The following PRDM11 variants were observed in gnomAD, a reference collection of about 807,000 sequenced individuals.
PRDM11 encodes the protein PR/SET domain 11, also known as PR domain-containing protein 11.
A neutral mutation model predicts 97.8 loss-of-function variants in PRDM11; 20 were observed. That is an observed-to-expected ratio of 0.20 (90% CI 0.14 to 0.30). The LOEUF (loss-of-function observed/expected upper bound fraction) is 0.30, where lower values mean the gene tolerates loss of function less well. PRDM11 is among the 10% of genes least tolerant of loss of function. PRDM11 has a pLI of 1.00. For synonymous variants in PRDM11, 599 were observed against 637.7 expected (o/e 0.94, Z 0.91); for missense variants, 1,139 against 1,555.2 (o/e 0.73, Z 4.50).
rs572837571 is a variant in PRDM11 at position 45,097,095 on chromosome 11, C to G, written c.96+1194C>G. 6.4e-4 allele frequency among the ~76,000 whole-genome samples: 98 copies of G among 152,304 alleles called. 1 individual carries two copies. The highest frequency in any genetic ancestry group is 2.3e-3 in the African/African-American group (97 of 41,566). The stretch of plus-strand genomic sequence containing the variant: ...TTTAAGGTTCAAATCAAGGATATTT[C>G]CTGCAGCTAAATAGAAAGCACCTTT... On this transcript the variant is annotated intron_variant, in intron 1 of 6. Coordinates refer to the PRDM11 transcript ENST00000530656.
At chr11:45,197,797 C>T (rs917630243) in intron 4 of PRDM11, among the ~76,000 whole-genome samples, 1 of 152,058 alleles carries the variant, frequency 6.6e-6, no homozygotes, top group African/African-American at 2.4e-5. Flanking sequence ...TGCATGTTCT[C>T]ACTCATAGGT....
Position 45,228,116 on chromosome 11 carries a change from T to A in PRDM11, c.3491T>A (p.Leu1164Gln). The change falls in exon 8 of 8, where the codon CTA becomes CAA. Residue 1164 changes from leucine to glutamine, a missense_variant. This residue lies in a region of PRDM11 where 710 missense variants were observed against 1,044.9 expected (regional missense o/e 0.68). Coordinates refer to ENST00000683152, the MANE Select transcript of PRDM11 (RefSeq NM_001384648.1). ...RMSALEQKPA[L>Q]QTMDHGTEFY... ...TCTGCGCTGGAGCAGAAGCCAGCACTACAGACCATGGACCACGGGACGGAG... is the reference window on the plus strand; with the variant it reads ...TCTGCGCTGGAGCAGAAGCCAGCACAACAGACCATGGACCACGGGACGGAG... The A allele has an allele frequency of 1.3e-6, 2 of 1,533,176 alleles. No homozygotes were observed. The highest frequency in any genetic ancestry group is 2.4e-5 in the East Asian group (1 of 40,886). The allele number at this position is 1,533,176 out of a possible 1,614,324, so 95.0% of individuals were successfully genotyped here.
rs1054205029 is a variant in PRDM11, at chr11:45,232,983, A to G, written c.*4824A>G. On this transcript the variant is annotated 3_prime_UTR_variant, in exon 8 of 8. Transcript: ENST00000683152. The stretch of plus-strand genomic sequence containing the variant: ...ATCCAGTCTCCCTAGGAGAGAGTGC[A>G]TGGAAGCAGGGGTATGTGCAGTGTA... 1 of 149,068 alleles carries G rather than the reference A, an allele frequency of 6.7e-6. No homozygotes were observed. The highest frequency in any genetic ancestry group is 2.5e-5 in the African/African-American group (1 of 40,724). 9.2% of individuals were successfully genotyped at this position (149,068 alleles called of 1,614,324 possible). A position where few individuals can be genotyped will look rare whatever the true frequency, so the allele number is the denominator to read the frequency against.
At chr11:45,121,281 A>G (rs990920965) in intron 1 of PRDM11, among the ~76,000 whole-genome samples, 1 of 152,186 alleles carries the variant, frequency 6.6e-6, no homozygotes, top group Non-Finnish European at 1.5e-5. Context: ...AGATACACAC[A>G]ATATAGGAGG....
chr11:45,109,559 G>A (rs758569278), intron 1 of PRDM11, among the ~76,000 whole-genome samples: 2 of 152,150 alleles, frequency 1.3e-5, no homozygotes. Flanking sequence ...ATATTCAGAG[G>A]CTATCCTGCG....
In PRDM11 at chr11:45,182,206, T is replaced by C. The variant is rs369593258; in HGVS notation, c.120-40T>C. On this transcript the variant is annotated intron_variant, in intron 2 of 7. Coordinates refer to ENST00000683152, the MANE Select transcript of PRDM11 (RefSeq NM_001384648.1). Reference sequence around the variant, plus strand: ...TCCCCACTGGGCTCTCACTCTCTGATGACTTCTTTGCTTTCTTTGCGGGCC... The same window carrying C: ...TCCCCACTGGGCTCTCACTCTCTGACGACTTCTTTGCTTTCTTTGCGGGCC... 2.5e-6 allele frequency: 4 copies of C among 1,579,258 alleles called. No individual in the cohort carries two copies. In the African/African-American group the frequency reaches 4.1e-5, roughly 16 times the overall value.
At position 45,228,264 on chromosome 11, in the gene PRDM11, A is replaced by ATT; in HGVS notation, c.*106_*107dup. 2 of 163,354 alleles carry ATT rather than the reference A, an allele frequency of 1.2e-5. No individual in the cohort carries two copies. Among genetic ancestry groups the ATT allele is most frequent in the East Asian group, 1.3e-4 (1 of 7,512 alleles). 10.1% of individuals were successfully genotyped at this position (163,354 alleles called of 1,614,324 possible). Reference sequence around the variant, plus strand: ...TATATATTATATTATATTATATTATATTATATATATATATATATATAAACT... The same window carrying ATT: ...TATATATTATATTATATTATATTATATTTTATATATATATATATATATAAACT... On this transcript the variant is annotated 3_prime_UTR_variant, in exon 8 of 8. Coordinates refer to ENST00000683152, the MANE Select transcript of PRDM11 (RefSeq NM_001384648.1).
At chr11:45,194,661 G>T (rs12271551) in intron 4 of PRDM11, among the ~76,000 whole-genome samples, 4 of 141,702 alleles carry the variant, frequency 2.8e-5, no homozygotes, top group African/African-American at 1.1e-4. Context: ...TGCAGTGGCG[G>T]GATCTCGGCT....
At chr11:45,197,946 A>G (rs1347733063) in intron 4 of PRDM11, among the ~76,000 whole-genome samples, 2 of 152,314 alleles carry the variant, frequency 1.3e-5, no homozygotes, top group East Asian at 1.9e-4. Context: ...GGTGCAGCAC[A>G]CCAACATGGC....
Position 45,227,733 on chromosome 11 carries a change from T to G in PRDM11, c.3108T>G (p.Ser1036Arg). 1 of 1,533,860 alleles carries G rather than the reference T, an allele frequency of 6.5e-7. No individual in the cohort carries two copies. The highest frequency in any genetic ancestry group is 8.7e-7 in the Non-Finnish European group (1 of 1,146,702). Residue 1036 changes from serine to arginine, a missense_variant, in exon 8 of 8, where the codon AGT (serine) becomes AGG (arginine). This residue lies in a region of PRDM11 where 710 missense variants were observed against 1,044.9 expected (regional missense o/e 0.68). Coordinates refer to ENST00000683152, the MANE Select transcript of PRDM11 (RefSeq NM_001384648.1). The surrounding 1 kb of genome is among the most constrained non-coding windows in gnomAD (Gnocchi z 8.0). Reference protein sequence around the residue: ...VCREGLDPRGSLLMEWRELKA... With the variant: ...VCREGLDPRGRLLMEWRELKA... ...GGGAAGGGCTGGACCCCCGGGGTAG[T>G]CTGTTGATGGAGTGGCGAGAACTCA... is the stretch of plus-strand genomic sequence containing the variant.
chr11:45,160,202 C>A (rs57091740), intron 1 of PRDM11, among the ~76,000 whole-genome samples: 1,593 of 152,332 alleles, frequency 0.01, 33 homozygotes, highest in African/African-American at 0.037. Context: ...ATTCCCTCCA[C>A]CCCAAGAGAG....
At chr11:45,218,464 T>G (rs1854019436) in intron 5 of PRDM11, among the ~76,000 whole-genome samples, 1 of 152,270 alleles carries the variant, frequency 6.6e-6, no homozygotes, top group South Asian at 2.1e-4. Flanking sequence ...AATTCTTCTG[T>G]GAATTTTTGT....
At chr11:45,153,929 C>T (rs1851725461) in intron 1 of PRDM11, among the ~76,000 whole-genome samples, 1 of 152,168 alleles carries the variant, frequency 6.6e-6, no homozygotes, top group Non-Finnish European at 1.5e-5. Flanking sequence ...GGTTACATGA[C>T]CAACTGAAGA....
intron 1 of PRDM11, among the ~76,000 whole-genome samples, chr11:45,149,967 A>G (rs1207654172): frequency 6.6e-6 from 1 of 152,236 alleles, no homozygotes; most frequent in African/African-American, 2.4e-5. Context: ...CTTGGAAAGC[A>G]GCTAGGGTGA....
Position 45,226,058 on chromosome 11 carries a change from C to G in PRDM11, c.1433C>G (p.Ala478Gly). 1 of 1,518,082 alleles carries G rather than the reference C, an allele frequency of 6.6e-7. No homozygotes were observed. Among genetic ancestry groups the G allele is most frequent in the Non-Finnish European group, 8.8e-7 (1 of 1,133,354 alleles). 94.0% of individuals were successfully genotyped at this position (1,518,082 alleles called of 1,614,324 possible). A position where few individuals can be genotyped will look rare whatever the true frequency, so the allele number is the denominator to read the frequency against. ...MEDDDQEVDS[A>G]DESVSNDMMT... ...GATGATGACCAGGAAGTCGATTCAGCAGATGAATCTGTCTCCAATGATATG... is the reference window on the plus strand; with the variant it reads ...GATGATGACCAGGAAGTCGATTCAGGAGATGAATCTGTCTCCAATGATATG... The change falls in exon 8 of 8, where the codon GCA becomes GGA. Residue 478 changes from alanine (A) to glycine (G), a missense_variant. Ala to Gly is a moderately conservative substitution (Grantham distance 60, BLOSUM62 0). Transcript: ENST00000683152.
intron 4 of PRDM11, among the ~76,000 whole-genome samples, chr11:45,195,352 T>A (rs989291030): frequency 3.9e-5 from 6 of 152,066 alleles, no homozygotes; most frequent in Non-Finnish European, 8.8e-5. Flanking sequence ...GTTCCCCTCT[T>A]CCAATCCCCT....
intron 1 of PRDM11, among the ~76,000 whole-genome samples, chr11:45,172,170 A>G (rs1323924395): frequency 2.0e-5 from 3 of 152,234 alleles, no homozygotes; most frequent in Non-Finnish European, 4.4e-5. Flanking sequence ...GAACGGCCAG[A>G]TGGAAGAGCT....
chr11:45,094,592 G>A (rs1364495052), upstream of PRDM11, among the ~76,000 whole-genome samples: 21 of 119,972 alleles, frequency 1.8e-4, no homozygotes, highest in Non-Finnish European at 7.6e-5. Context: ...AGGAAAGGGA[G>A]GGGAGGGGAG....
At chr11:45,152,154 G>A (rs1041030001) in intron 1 of PRDM11, among the ~76,000 whole-genome samples, 5 of 152,088 alleles carry the variant, frequency 3.3e-5, no homozygotes, top group African/African-American at 7.2e-5. Context: ...TGCAACCTCC[G>A]CCTCCTGGGT....
Sources: gnomAD v4.1 joint callset for allele counts (sites outside exome capture counted in the v4.1 genomes callset) on GRCh38, gnomAD v4.1.1 for gene constraint, gnomAD v4.1.1 regional missense constraint, Gnocchi (gnomAD v3.1) non-coding constraint, MANE v1.5 for transcripts, NCBI Gene and HGNC (gene_info 2026-07-23, HGNC 2026-07-21) for gene names.